The following ELOVL2 variants were observed in gnomAD, a reference collection of about 807,000 sequenced individuals.
ELOVL2 encodes the protein very long chain fatty acid elongase 2.
Under a neutral mutation model 37.7 loss-of-function variants are expected in ELOVL2, and 38 were observed. The observed-to-expected ratio is 1.01, with a 90% CI of 0.78 to 1.32. ELOVL2 has a LOEUF of 1.32. Among genes scored for constraint, ELOVL2 ranks in the 40% most tolerant of loss-of-function variants. The pLI, the probability that ELOVL2 is intolerant of heterozygous loss-of-function variation, is 0.00. For missense variants in ELOVL2, 352 were observed against 363.6 expected (o/e 0.97, Z 0.26); for synonymous variants, 115 against 122.3 (o/e 0.94, Z 0.40).
intron 1 of ELOVL2, among the ~76,000 whole-genome samples, chr6:11,031,969 A>G (rs77647646): frequency 7.9e-5 from 12 of 152,264 alleles, no homozygotes; most frequent in African/African-American, 2.9e-4. Context: ...TATCTGCACC[A>G]GACTTTCTCT....
chr6:11,018,717 G>T (rs1782720479), intron 1 of ELOVL2, among the ~76,000 whole-genome samples: 1 of 152,026 alleles, frequency 6.6e-6, no homozygotes. Flanking sequence ...TATTGAAATT[G>T]GTTTAGATTA....
intron 1 of ELOVL2, among the ~76,000 whole-genome samples, chr6:11,019,155 C>G (rs997252774): frequency 6.6e-6 from 1 of 152,174 alleles, no homozygotes; most frequent in Non-Finnish European, 1.5e-5. Context: ...AAGTTAACTA[C>G]TGCTGAAATC....
chr6:11,032,199 C>G (rs1417453007), intron 1 of ELOVL2, among the ~76,000 whole-genome samples: 1 of 152,140 alleles, frequency 6.6e-6, no homozygotes, highest in Non-Finnish European at 1.5e-5. Flanking sequence ...GGCTCCTGCA[C>G]AAGGTTAAGG....
At chr6:11,037,008 GAGAGAGAC>G (rs1561729908) in intron 1 of ELOVL2, among the ~76,000 whole-genome samples, 1 of 150,604 alleles carries the variant, frequency 6.6e-6, no homozygotes, top group Non-Finnish European at 1.5e-5. Flanking sequence ...CAGAGAGGGA[GAGAGAGAC>G]AGAGAGGGAG....
rs149992735 is a variant in ELOVL2 at position 10,981,206 on chromosome 6, A to G, written c.*2575T>C. On this transcript the variant is annotated 3_prime_UTR_variant, in exon 8 of 8. Coordinates refer to ENST00000354666, the MANE Select transcript of ELOVL2 (RefSeq NM_017770.4). The stretch of plus-strand genomic sequence containing the variant: ...AAAAAATTGGGGGAATTATTAATAG[A>G]TATGCTTTACAGTATTTAAGTATTT... 217 of 152,422 alleles carry G rather than the reference A, an allele frequency of 1.4e-3. 1 individual carries two copies. Among genetic ancestry groups the G allele is most frequent in the Middle Eastern group, 6.8e-3 (2 of 294 alleles). 9.4% of individuals were successfully genotyped at this position (152,422 alleles called of 1,614,324 possible). A position where few individuals can be genotyped will look rare whatever the true frequency, so the allele number is the denominator to read the frequency against.
chr6:11,041,757 ATT>A (rs1453253264), intron 1 of ELOVL2, among the ~76,000 whole-genome samples: 4 of 152,174 alleles, frequency 2.6e-5, no homozygotes, highest in African/African-American at 9.7e-5. Flanking sequence ...TTATTAAACA[ATT>A]TGTTTCCAAT....
At chr6:10,996,854 A>G (rs1782278001) in intron 4 of ELOVL2, among the ~76,000 whole-genome samples, 3 of 151,864 alleles carry the variant, frequency 2.0e-5, no homozygotes, top group Non-Finnish European at 2.9e-5. Flanking sequence ...TATTAAAAAT[A>G]CAAAAATTAG....
intron 1 of ELOVL2, among the ~76,000 whole-genome samples, chr6:11,038,456 G>C (rs1783049519): frequency 6.6e-6 from 1 of 151,662 alleles, no homozygotes; most frequent in African/African-American, 2.4e-5. Flanking sequence ...ACTCCAGCCT[G>C]GTGATGGGGC....
intron 1 of ELOVL2, chr6:11,043,933 A>C (rs945468398): frequency 3.0e-4 from 85 of 279,872 alleles, no homozygotes; most frequent in Non-Finnish European, 5.0e-4. Flanking sequence ...TGCATGCAAC[A>C]GGGGACTGGG....
chr6:11,037,897 T>C (rs1581884179), intron 1 of ELOVL2, among the ~76,000 whole-genome samples: 3 of 152,358 alleles, frequency 2.0e-5, no homozygotes, highest in Middle Eastern at 3.4e-3. Flanking sequence ...TATATGTATA[T>C]ATCCATATCT....
At position 11,000,185 on chromosome 6, in the gene ELOVL2, AAAG is replaced by A. The variant is rs936900512; in HGVS notation, c.256-24_256-22del. On this transcript the variant is annotated intron_variant, in intron 3 of 7. Transcript: ENST00000354666. ...ATGAGCTGCCAAAGAACCAAGAAAG[AAAG>A]AAAAACAAACATCAGCACAAGAATT... 1.9e-6 allele frequency: 3 copies of A among 1,607,218 alleles called. No homozygotes were observed. In the African/African-American group the frequency reaches 4.0e-5, roughly 21 times the overall value.
Position 10,989,726 on chromosome 6 carries a change from G to A in ELOVL2, c.742C>T (p.Leu248Phe). The change falls in exon 7 of 8, where the codon CTC becomes TTC. Residue 248 changes from leucine to phenylalanine, a missense_variant. Transcript: ENST00000354666. ...ACCTGAACGTAAAAATTTAAGAAGA[G>A]GATGACTAACGTTAGCATATAAGAT... is the stretch of plus-strand genomic sequence containing the variant. Reference protein sequence around the residue: ...QSSYMLTLVILFLNFYVQTYR... With the variant: ...QSSYMLTLVIFFLNFYVQTYR... 1 of 1,613,966 alleles carries A rather than the reference G, an allele frequency of 6.2e-7. No individual in the cohort carries two copies. Among genetic ancestry groups the A allele is most frequent in the Non-Finnish European group, 8.5e-7 (1 of 1,179,844 alleles).
chr6:11,038,684 A>C (rs184746968), intron 1 of ELOVL2, among the ~76,000 whole-genome samples: 1 of 152,348 alleles, frequency 6.6e-6, no homozygotes, highest in Non-Finnish European at 1.5e-5. Context: ...AAATTATTTA[A>C]AAATGACATA....
At chr6:10,992,810 CAAA>C (rs905117345) in intron 5 of ELOVL2, among the ~76,000 whole-genome samples, 2 of 132,606 alleles carry the variant, frequency 1.5e-5, no homozygotes, top group African/African-American at 5.5e-5. Context: ...CAAAAAAAAA[CAAA>C]AAAAAACAGG....
At chr6:11,023,415 G>A (rs1782793779) in intron 1 of ELOVL2, among the ~76,000 whole-genome samples, 1 of 152,012 alleles carries the variant, frequency 6.6e-6, no homozygotes, top group South Asian at 2.1e-4. Flanking sequence ...GAAAAAATAT[G>A]GGCCAAATTT....
chr6:11,000,162 G>A lies in ELOVL2; in HGVS notation c.258C>T (p.Leu86=), dbSNP rs758996781. The change falls in exon 4 of 8, where the codon CTC becomes CTT. Residue 86 remains leucine (L), a splice_region_variant and synonymous_variant. Coordinates refer to ENST00000354666, the MANE Select transcript of ELOVL2 (RefSeq NM_017770.4). ...AGCCTCCTTCCCAAGTGGAGAGAATGAGCTGCCAAAGAACCAAGAAAGAAA... is the reference window on the plus strand; with the variant it reads ...AGCCTCCTTCCCAAGTGGAGAGAATAAGCTGCCAAAGAACCAAGAAAGAAA... ...TLLSAYMLAE[L]ILSTWEGGYN... 75 of 1,613,892 alleles carry A rather than the reference G, an allele frequency of 4.6e-5. No homozygotes were observed. The highest frequency in any genetic ancestry group is 6.0e-5 in the Non-Finnish European group (71 of 1,179,916).
chr6:11,005,278 A>C (rs745554681), intron 3 of ELOVL2, 94 bp downstream of exon 3: 169 of 1,109,744 alleles, frequency 1.5e-4, no homozygotes, highest in African/African-American at 1.0e-3. Flanking sequence ...GTCTTAAAGT[A>C]ACCTTGCATA....
chr6:10,994,909 C>A (rs941517362), intron 5 of ELOVL2, 98 bp downstream of exon 5: 20 of 989,530 alleles, frequency 2.0e-5, no homozygotes, highest in Non-Finnish European at 2.9e-5. Flanking sequence ...GGCCTCCCTT[C>A]ATGCTCTCCT....
At chr6:11,032,289 G>A (rs1472115737) in intron 1 of ELOVL2, among the ~76,000 whole-genome samples, 1 of 136,810 alleles carries the variant, frequency 7.3e-6, no homozygotes, top group Non-Finnish European at 1.5e-5. Context: ...CCTAATGGCT[G>A]ACAAAATTAA....
Sources: gnomAD v4.1 joint callset for allele counts (sites outside exome capture counted in the v4.1 genomes callset) on GRCh38, gnomAD v4.1.1 for gene constraint, MANE v1.5 for transcripts, NCBI Gene and HGNC (gene_info 2026-07-23, HGNC 2026-07-21) for gene names.